The following ZBTB44 variants were observed in gnomAD, a reference collection of about 807,000 sequenced individuals.
ZBTB44 encodes the protein zinc finger and BTB domain-containing protein 44.
Under a neutral mutation model 54.0 loss-of-function variants are expected in ZBTB44, and 15 were observed. The observed-to-expected ratio is 0.28, with a 90% CI of 0.19 to 0.43. The LOEUF is 0.43. ZBTB44 is among the 20% of genes least tolerant of loss of function. ZBTB44 has a pLI of 1.00. For missense variants in ZBTB44, 487 were observed against 707.1 expected (o/e 0.69, Z 3.53); for synonymous variants, 230 against 250.1 (o/e 0.92, Z 0.76).
chr11:130,264,205 ATAGTAAC>A (rs1939085145), intron 1 of ZBTB44, among the ~76,000 whole-genome samples: 1 of 152,240 alleles, frequency 6.6e-6, no homozygotes, highest in Non-Finnish European at 1.5e-5. Flanking sequence ...AGTGTTTAGA[ATAGTAAC>A]TAGTAACATA....
rs556791434 is a variant in ZBTB44, at chr11:130,289,850, G to A, written c.-57+24525C>T. ...TCGAGGTTTTCTGATAACATAAATTGAATACCCTCATACACATGGCCCATA... is the reference window on the plus strand; with the variant it reads ...TCGAGGTTTTCTGATAACATAAATTAAATACCCTCATACACATGGCCCATA... On this transcript the variant is annotated intron_variant, in intron 1 of 7. Coordinates refer to ENST00000357899, the MANE Select transcript of ZBTB44 (RefSeq NM_001301098.2). Among the ~76,000 whole-genome samples, 241 of 152,202 alleles carry A rather than the reference G, an allele frequency of 1.6e-3. 5 individuals are homozygous for A. In the South Asian group the frequency reaches 0.035, roughly 22 times the overall value.
intron 1 of ZBTB44, 137 bp from the exon 2 acceptor site, chr11:130,262,066 T>TTGAA: frequency 1.6e-6 from 1 of 631,778 alleles, no homozygotes; most frequent in Admixed American, 3.2e-5. Context: ...AGGTAGGGAC[T>TTGAA]GTATAGAAAT....
intron 1 of ZBTB44, among the ~76,000 whole-genome samples, chr11:130,290,211 G>A (rs1941221347): frequency 1.3e-5 from 2 of 152,168 alleles, no homozygotes; most frequent in South Asian, 2.1e-4. Flanking sequence ...GACCAGTGAT[G>A]AATGATATAG....
intron 1 of ZBTB44, among the ~76,000 whole-genome samples, chr11:130,294,644 G>A (rs1941527102): frequency 6.6e-6 from 1 of 150,746 alleles, no homozygotes; most frequent in African/African-American, 2.4e-5. Flanking sequence ...TATGCCAGAG[G>A]TTGCAATTAT....
At chr11:130,264,371 A>G (rs1180844698) in intron 1 of ZBTB44, among the ~76,000 whole-genome samples, 9 of 152,206 alleles carry the variant, frequency 5.9e-5, no homozygotes, top group Non-Finnish European at 1.3e-4. Context: ...AAAAGGAGGT[A>G]AACCACACCT....
intron 1 of ZBTB44, 65 bp downstream of exon 1, chr11:130,314,310 A>T (rs1020469829): frequency 6.6e-6 from 1 of 152,472 alleles, no homozygotes; most frequent in Non-Finnish European, 1.5e-5. Context: ...ACGCGGTGTC[A>T]GCCACGGGCA....
At chr11:130,296,216 T>C (rs1941633859) in intron 1 of ZBTB44, 3 of 1,297,824 alleles carry the variant, frequency 2.3e-6, no homozygotes, top group East Asian at 2.3e-5. Context: ...TTAGTGTTGA[T>C]GATGATAAAG....
chr11:130,232,605 G>A (rs544866106), intron 7 of ZBTB44: 43 of 152,166 alleles, frequency 2.8e-4, no homozygotes, highest in African/African-American at 8.9e-4. Context: ...TGTTGCCTAC[G>A]TTGTGTAAAA....
chr11:130,237,158 A>C lies in ZBTB44; in HGVS notation c.1268-65T>G, dbSNP rs148074972. 6,876 of 1,372,266 alleles carry C rather than the reference A, an allele frequency of 5.0e-3. 32 individuals are homozygous for C. Among genetic ancestry groups the C allele is most frequent in the African/African-American group, 0.021 (1,408 of 67,074 alleles). 85.0% of individuals were successfully genotyped at this position (1,372,266 alleles called of 1,614,324 possible). On this transcript the variant is annotated intron_variant, in intron 4 of 7. Transcript: ENST00000357899. ...AAACTGAAAAGTCATAAACCCTACA[A>C]ATTTCTGAACTATATTTCTGTAGCA... is the stretch of plus-strand genomic sequence containing the variant.
chr11:130,244,438 T>C (rs2136315681), intron 2 of ZBTB44, among the ~76,000 whole-genome samples: 1 of 152,142 alleles, frequency 6.6e-6, no homozygotes, highest in East Asian at 1.9e-4. Context: ...GAGGCCGACG[T>C]GGGTGGATCA....
At chr11:130,312,622 A>G (rs749831303) in intron 1 of ZBTB44, among the ~76,000 whole-genome samples, 1 of 152,190 alleles carries the variant, frequency 6.6e-6, no homozygotes, top group Non-Finnish European at 1.5e-5. Flanking sequence ...AGAAAAAAAG[A>G]AGGGAGGGAA....
rs928355148 is a variant in ZBTB44, at chr11:130,231,030, G to A, written c.*734C>T. 4 of 152,096 alleles carry A rather than the reference G, an allele frequency of 2.6e-5. No homozygotes were observed. Among genetic ancestry groups the A allele is most frequent in the African/African-American group, 7.2e-5 (3 of 41,440 alleles). The allele number at this position is 152,096 out of a possible 1,614,324, so 9.4% of individuals were successfully genotyped here. A position where few individuals can be genotyped will look rare whatever the true frequency, so the allele number is the denominator to read the frequency against. On this transcript the variant is annotated 3_prime_UTR_variant, in exon 8 of 8. Transcript: ENST00000357899. Reference sequence around the variant, plus strand: ...AAGTTACCCTCCTGGCCTTAAGAAAGATAGCTACGTTTAAGCACTCTAAAC... The same window carrying A: ...AAGTTACCCTCCTGGCCTTAAGAAAAATAGCTACGTTTAAGCACTCTAAAC...
chr11:130,284,351 A>G (rs982491063), intron 1 of ZBTB44, among the ~76,000 whole-genome samples: 1 of 152,230 alleles, frequency 6.6e-6, no homozygotes, highest in African/African-American at 2.4e-5. Context: ...CAAGTAACTA[A>G]TAATCACAAA....
intron 1 of ZBTB44, among the ~76,000 whole-genome samples, chr11:130,312,250 T>C (rs1057208175): frequency 6.6e-6 from 1 of 152,158 alleles, no homozygotes; most frequent in Non-Finnish European, 1.5e-5. Flanking sequence ...AACTGGGTAT[T>C]TGCTTAGTGT....
rs148413927 is a variant in ZBTB44 at position 130,272,884 on chromosome 11, A to G, written c.-56-10955T>C. ...AAATCAGTTGAACACAAATAGGTTT[A>G]TATCTGGACTCTCTATTCCATTGAT... On this transcript the variant is annotated intron_variant, in intron 1 of 7. Coordinates refer to ENST00000357899, the MANE Select transcript of ZBTB44 (RefSeq NM_001301098.2). 1.1e-3 allele frequency among the ~76,000 whole-genome samples: 160 copies of G among 152,298 alleles called. 1 individual carries two copies. The highest frequency in any genetic ancestry group is 2.7e-3 in the Admixed American group (42 of 15,294).
Position 130,230,500 on chromosome 11 carries a change from T to G in ZBTB44, c.*1264A>C, listed in dbSNP as rs1320754626. Reference sequence around the variant, plus strand: ...ATCTAATTACTGTAAGCCAGAATGATTGCTGAAATGTCAAAATGTAAGATT... The same window carrying G: ...ATCTAATTACTGTAAGCCAGAATGAGTGCTGAAATGTCAAAATGTAAGATT... On this transcript the variant is annotated 3_prime_UTR_variant, in exon 8 of 8. Coordinates refer to ENST00000357899, the MANE Select transcript of ZBTB44 (RefSeq NM_001301098.2). The G allele has an allele frequency of 6.8e-6, 1 of 146,254 alleles. No homozygotes were observed. The highest frequency in any genetic ancestry group is 1.5e-5 in the Non-Finnish European group (1 of 67,158). The allele number at this position is 146,254 out of a possible 1,614,324, so 9.1% of individuals were successfully genotyped here. A position where few individuals can be genotyped will look rare whatever the true frequency, so the allele number is the denominator to read the frequency against.
At chr11:130,297,328 C>T (rs1447217519) in intron 1 of ZBTB44, among the ~76,000 whole-genome samples, 1 of 152,150 alleles carries the variant, frequency 6.6e-6, no homozygotes, top group East Asian at 1.9e-4. Context: ...AAATATCCCT[C>T]CCTCATACAC....
At chr11:130,240,575 T>C (rs1221572611) in intron 2 of ZBTB44, among the ~76,000 whole-genome samples, 1 of 152,158 alleles carries the variant, frequency 6.6e-6, no homozygotes, top group Non-Finnish European at 1.5e-5. Flanking sequence ...GTTGCACAAC[T>C]TTTATACAGA....
chr11:130,256,522 A>G (rs1938457638), intron 2 of ZBTB44, among the ~76,000 whole-genome samples: 1 of 152,060 alleles, frequency 6.6e-6, no homozygotes, highest in Non-Finnish European at 1.5e-5. Context: ...CTAAAAATAC[A>G]AAAATTAGCT....
Sources: allele counts gnomAD v4.1 joint callset (sites outside exome capture counted in the v4.1 genomes callset), GRCh38; gene constraint gnomAD v4.1.1; transcripts MANE v1.5; gene names NCBI Gene and HGNC (gene_info 2026-07-23, HGNC 2026-07-21).